PACS2: variants seen among roughly 807,000 people sequenced by gnomAD.
PACS2 encodes phosphofurin acidic cluster sorting protein 2, also known as PACS1-like protein.
PACS2 carries 36 observed loss-of-function variants against 113.0 expected under a neutral mutation model. That is an observed-to-expected ratio of 0.32 (90% CI 0.24 to 0.42). The LOEUF (loss-of-function observed/expected upper bound fraction) is 0.42, where lower values mean the gene tolerates loss of function less well. Among genes scored for constraint, PACS2 ranks in the 10% least tolerant of loss-of-function variants. The pLI is 1.00. For synonymous variants in PACS2, 589 were observed against 536.1 expected, an observed-to-expected ratio of 1.10 and a Z score of -1.36; for missense variants, 1,015 against 1,239.5, an observed-to-expected ratio of 0.82 and a Z score of 2.72.
intron 1 of PACS2, among the ~76,000 whole-genome samples, chr14:105,337,804 G>C (rs587623134): frequency 1.3e-5 from 2 of 152,206 alleles, no homozygotes; most frequent in Admixed American, 1.3e-4. Context: ...AAACTGGGGG[G>C]CCTGGTGCAG....
intron 21 of PACS2, 119 bp from the exon 22 acceptor site, chr14:105,391,512 T>TTGCCCCCCCCCCCCCCCCC: frequency 1.6e-6 from 1 of 611,328 alleles, no homozygotes; most frequent in Non-Finnish European, 2.9e-6. Flanking sequence ...CACTGGGGAC[T>TTGCCCCCCCCCCCCCCCCC]CCCACCCTGC....
At chr14:105,328,398 C>A (rs1222415045) in intron 1 of PACS2, among the ~76,000 whole-genome samples, 1 of 152,182 alleles carries the variant, frequency 6.6e-6, no homozygotes, top group South Asian at 2.1e-4. Context: ...TGGGGCTCTT[C>A]GGCTCTCAGG....
At position 105,315,658 on chromosome 14, in the gene PACS2, G is replaced by A. The variant is rs1417736482; in HGVS notation, c.119+621G>A. Reference sequence around the variant, plus strand: ...GCGGAAGACTGGCTGTTCTGCACTTGGTAGGGGGGCGCCCGGTCGCCCAGC... The same window carrying A: ...GCGGAAGACTGGCTGTTCTGCACTTAGTAGGGGGGCGCCCGGTCGCCCAGC... On this transcript the variant is annotated intron_variant, in intron 1 of 24. Coordinates refer to ENST00000447393, the MANE Select transcript of PACS2 (RefSeq NM_001100913.3). This position sits in a 1 kb window ranked among gnomAD's most constrained non-coding sequence, Gnocchi z 4.4. The A allele has an allele frequency of 6.6e-6, 1 of 152,284 alleles. No individual in the cohort carries two copies. The highest frequency in any genetic ancestry group is 1.5e-5 in the Non-Finnish European group (1 of 68,064). 9.4% of individuals were successfully genotyped at this position (152,284 alleles called of 1,614,324 possible).
At position 105,395,696 on chromosome 14, in the gene PACS2, G is replaced by C. The variant is rs587707753; in HGVS notation, c.*1024G>C. 5 of 152,496 alleles carry C rather than the reference G, an allele frequency of 3.3e-5. No individual in the cohort carries two copies. The South Asian group carries it at 1.0e-3, about 32-fold the overall frequency. 9.4% of individuals were successfully genotyped at this position (152,496 alleles called of 1,614,324 possible). ...CCAGCGGGGCCGGCACTTTGGAGCC[G>C]TGGGTGCAGCCAGGTACCCCGTGCA... On this transcript the variant is annotated 3_prime_UTR_variant, in exon 25 of 25. Coordinates refer to ENST00000447393, the MANE Select transcript of PACS2 (RefSeq NM_001100913.3).
At chr14:105,342,726 G>T (rs1458957807) in intron 1 of PACS2, among the ~76,000 whole-genome samples, 1 of 151,580 alleles carries the variant, frequency 6.6e-6, no homozygotes, top group Non-Finnish European at 1.5e-5. Flanking sequence ...TTGAGGTCAG[G>T]AGTTCAAAAC....
In PACS2 at chr14:105,365,054, G is replaced by A. The variant is rs1184485668; in HGVS notation, c.424-2159G>A. On this transcript the variant is annotated intron_variant, in intron 4 of 24. Transcript: ENST00000447393. This position sits in a 1 kb window ranked among gnomAD's most constrained non-coding sequence, Gnocchi z 5.1. ...AAATGGAAGAGGGAGGAGCCTGTCA[G>A]GGTCAGGGGTGGAGGGAGCTGGGCC... Among the ~76,000 whole-genome samples the A allele has an allele frequency of 2.6e-5, 4 of 152,250 alleles. No homozygotes were observed. Among genetic ancestry groups the A allele is most frequent in the Non-Finnish European group, 5.9e-5 (4 of 68,042 alleles).
chr14:105,367,333 G>A lies in PACS2; in HGVS notation c.544G>A (p.Glu182Lys), dbSNP rs782118466. 5.6e-6 allele frequency: 9 copies of A among 1,613,288 alleles called. No homozygotes were observed. The highest frequency in any genetic ancestry group is 5.0e-5 in the Admixed American group (3 of 60,012). ...ASLSSQPIDHEDSTMQAGPKA... is the reference protein window; with the variant it reads ...ASLSSQPIDHKDSTMQAGPKA... Reference sequence around the variant, plus strand: ...CCTGTCCAGCCAGCCCATTGACCACGAAGACAGCACCATGCAGGCCGGCCC... The same window carrying A: ...CCTGTCCAGCCAGCCCATTGACCACAAAGACAGCACCATGCAGGCCGGCCC... Residue 182 changes from glutamate (E) to lysine (K), a missense_variant, in exon 5 of 25, where the codon GAA becomes AAA. Coordinates refer to ENST00000447393, the MANE Select transcript of PACS2 (RefSeq NM_001100913.3).
At chr14:105,345,931 C>T (rs895529077) in intron 1 of PACS2, among the ~76,000 whole-genome samples, 38 of 152,306 alleles carry the variant, frequency 2.5e-4, no homozygotes, top group African/African-American at 8.2e-4. Context: ...GGCCCTTCCG[C>T]GTTTCTGCCA....
chr14:105,319,843 A>G (rs774786386), intron 1 of PACS2, among the ~76,000 whole-genome samples: 7 of 152,238 alleles, frequency 4.6e-5, no homozygotes, highest in Non-Finnish European at 1.0e-4. Flanking sequence ...GTCTCATCCT[A>G]TTCATGACTT....
At chr14:105,377,032 G>T (rs907349719) in intron 9 of PACS2, 107 bp downstream of exon 9, 26 of 1,227,014 alleles carry the variant, frequency 2.1e-5, no homozygotes, top group Non-Finnish European at 2.9e-5. Flanking sequence ...GGGGTGGGCA[G>T]GGCCAGCTGC....
intron 1 of PACS2, among the ~76,000 whole-genome samples, chr14:105,335,999 T>G (rs1483363894): frequency 2.0e-5 from 3 of 152,168 alleles, no homozygotes; most frequent in African/African-American, 4.8e-5. Context: ...GCTGAGCATG[T>G]GGAGCACCAG....
In PACS2 at chr14:105,381,023, C is replaced by T. The variant is rs782237108; in HGVS notation, c.1192C>T (p.Leu398=). The T allele has an allele frequency of 6.2e-7, 1 of 1,612,538 alleles. No individual in the cohort carries two copies. Among genetic ancestry groups the T allele is most frequent in the Non-Finnish European group, 8.5e-7 (1 of 1,179,690 alleles). The part of the protein sequence containing the change: ...EDSPEAEAST[L]DVFTERLPPS... Reference sequence around the variant, plus strand: ...CAGCCCCGAGGCTGAGGCCTCCACCCTGGATGTGTTCACGGAGAGGCTGCC... The same window carrying T: ...CAGCCCCGAGGCTGAGGCCTCCACCTTGGATGTGTTCACGGAGAGGCTGCC... The change falls in exon 12 of 25, where the codon CTG becomes TTG. Residue 398 remains leucine (L), a synonymous_variant. Coordinates refer to ENST00000447393, the MANE Select transcript of PACS2 (RefSeq NM_001100913.3).
chr14:105,391,393 C>T (rs1196038951), intron 21 of PACS2, 144 bp downstream of exon 21: 24 of 705,808 alleles, frequency 3.4e-5, no homozygotes, highest in East Asian at 1.3e-4. Flanking sequence ...TTCTGTCCTG[C>T]GGGGGGTTCA....
Position 105,314,874 on chromosome 14 carries a change from C to T in PACS2, c.-45C>T, listed in dbSNP as rs941838542. ...GGCCCGCCCGCCGCGCGTCCGCGGC[C>T]CGGCCGCAGCCCCAGGCCGCCGAGG... On this transcript the variant is annotated 5_prime_UTR_variant, in exon 1 of 25. Coordinates refer to ENST00000447393, the MANE Select transcript of PACS2 (RefSeq NM_001100913.3). 1 of 916,794 alleles carries T rather than the reference C, an allele frequency of 1.1e-6. No individual in the cohort carries two copies. The highest frequency in any genetic ancestry group is 1.3e-6 in the Non-Finnish European group (1 of 771,746). 56.8% of individuals were successfully genotyped at this position (916,794 alleles called of 1,614,324 possible).
upstream of PACS2, among the ~76,000 whole-genome samples, chr14:105,310,009 C>T (rs1212725679): frequency 6.6e-6 from 1 of 151,542 alleles, no homozygotes; most frequent in East Asian, 2.0e-4. Context: ...TAGTTTTGAA[C>T]TCCTGACCTG....
In PACS2 at chr14:105,354,865, A is replaced by T. The variant is rs112471897; in HGVS notation, c.298-187A>T. On this transcript the variant is annotated intron_variant, in intron 3 of 24. Transcript: ENST00000447393. This position sits in a 1 kb window ranked among gnomAD's most constrained non-coding sequence, Gnocchi z 4.2. ...GCTCACTCTTGATTGTGTTGGGTAA[A>T]GGATGGGCTCTGGGGACCGGCATGC... Among the ~76,000 whole-genome samples the T allele has an allele frequency of 6.6e-6, 1 of 152,184 alleles. No individual in the cohort carries two copies. Among genetic ancestry groups the T allele is most frequent in the Non-Finnish European group, 1.5e-5 (1 of 68,006 alleles).
rs1301199959 is a variant in PACS2 at position 105,324,589 on chromosome 14, C to T, written c.119+9552C>T. 1.3e-5 allele frequency among the ~76,000 whole-genome samples: 2 copies of T among 152,184 alleles called. No individual in the cohort carries two copies. Among genetic ancestry groups the T allele is most frequent in the East Asian group, 1.9e-4 (1 of 5,168 alleles). Reference sequence around the variant, plus strand: ...CGTCCCTTTCTGCTCCGCAGGCGCGCGCCGATGTGTGCTCAGCTCAGGCCG... The same window carrying T: ...CGTCCCTTTCTGCTCCGCAGGCGCGTGCCGATGTGTGCTCAGCTCAGGCCG... On this transcript the variant is annotated intron_variant, in intron 1 of 24. Transcript: ENST00000447393. The surrounding 1 kb of genome is among the most constrained non-coding windows in gnomAD (Gnocchi z 4.7).
chr14:105,383,723 A>G, intron 16 of PACS2: 2 of 549,612 alleles, frequency 3.6e-6, no homozygotes, highest in Non-Finnish European at 6.4e-6. Flanking sequence ...CACTTTGTTA[A>G]TTTTAATTAT....
chr14:105,328,167 G>A (rs1016687712), intron 1 of PACS2, among the ~76,000 whole-genome samples: 4 of 152,272 alleles, frequency 2.6e-5, no homozygotes, highest in Non-Finnish European at 5.9e-5. Flanking sequence ...TAGGTGTGGA[G>A]GTGCACGGAG....
Sources: gnomAD v4.1 joint callset for allele counts (sites outside exome capture counted in the v4.1 genomes callset) on GRCh38, gnomAD v4.1.1 for gene constraint, Gnocchi (gnomAD v3.1) non-coding constraint, MANE v1.5 for transcripts, NCBI Gene and HGNC (gene_info 2026-07-23, HGNC 2026-07-21) for gene names.